TRHDE: variants seen among roughly 807,000 people sequenced by gnomAD.
The protein encoded by TRHDE is thyrotropin-releasing hormone-degrading ectoenzyme.
In TRHDE, 72 loss-of-function variants were observed where a neutral mutation model predicts 125.7. That is an observed-to-expected ratio of 0.57 (90% CI 0.47 to 0.70). The LOEUF (loss-of-function observed/expected upper bound fraction) is 0.70. TRHDE is among the 30% of genes least tolerant of loss of function. TRHDE has a pLI of 0.00. For missense variants in TRHDE, 1,110 were observed against 1,327.1 expected (o/e 0.84, Z 2.54); for synonymous variants, 509 against 509.1 (o/e 1.00, Z 0.00).
intron 2 of TRHDE, among the ~76,000 whole-genome samples, chr12:72,114,186 G>GGTAGACAACCCAGTTAGCCA (rs61086784): frequency 6.6e-6 from 1 of 151,148 alleles, no homozygotes; most frequent in Non-Finnish European, 1.5e-5. Flanking sequence ...AAGCATGCTG[G>GGTAGACAACCCAGTTAGCCA]GTCTTTCAAA....
intron 2 of TRHDE, chr12:72,254,395 C>G (rs1188086240): frequency 1.3e-5 from 2 of 152,096 alleles, no homozygotes; most frequent in Non-Finnish European, 2.9e-5. Flanking sequence ...TCCAACTACT[C>G]CAGGCCTGCA....
At chr12:72,448,883 ACT>A (rs1277076958) in intron 3 of TRHDE, among the ~76,000 whole-genome samples, 2 of 151,884 alleles carry the variant, frequency 1.3e-5, no homozygotes, top group South Asian at 2.1e-4. Context: ...ACTTAAGCTA[ACT>A]CTGCAAAAAT....
chr12:72,643,611 C>T (rs1874157358), intron 15 of TRHDE, among the ~76,000 whole-genome samples: 1 of 152,108 alleles, frequency 6.6e-6, no homozygotes, highest in Non-Finnish European at 1.5e-5. Context: ...TCAGGGTGGT[C>T]TGTCTGTCAT....
At chr12:72,155,779 A>G (rs150633424) in intron 2 of TRHDE, among the ~76,000 whole-genome samples, 4,579 of 152,222 alleles carry the variant, frequency 0.03, 121 homozygotes, top group African/African-American at 0.067. Context: ...GTACCTGGCC[A>G]TGTGAGGTGT....
At position 72,392,883 on chromosome 12, in the gene TRHDE, G is replaced by A. The variant is rs577905636; in HGVS notation, c.1315+14762G>A. Among the ~76,000 whole-genome samples the A allele has an allele frequency of 1.3e-4, 19 of 151,996 alleles. No homozygotes were observed. The South Asian group carries it at 3.9e-3, about 32-fold the overall frequency. On this transcript the variant is annotated intron_variant, in intron 3 of 18. Transcript: ENST00000261180. ...CTAGTACATTTTTTTCCTTTTAAGG[G>A]CATCCATTTGCTTATAAATATGTGC...
chr12:72,408,270 A>C (rs1873349577), intron 3 of TRHDE, among the ~76,000 whole-genome samples: 1 of 152,224 alleles, frequency 6.6e-6, no homozygotes, highest in South Asian at 2.1e-4. Context: ...AGTTTCCAAC[A>C]CATGAACTTT....
intron 2 of TRHDE, among the ~76,000 whole-genome samples, chr12:72,168,549 G>A (rs997827890): frequency 6.6e-6 from 1 of 152,192 alleles, no homozygotes; most frequent in Admixed American, 6.5e-5. Flanking sequence ...GAATTTGGGA[G>A]CTGTTCAGAT....
At chr12:72,187,320 C>T (rs955728434) in intron 2 of TRHDE, among the ~76,000 whole-genome samples, 2 of 135,658 alleles carry the variant, frequency 1.5e-5, no homozygotes, top group Non-Finnish European at 3.2e-5. Flanking sequence ...AACACACACA[C>T]ACACACACAC....
At chr12:72,274,344 G>A (rs1879398720) in intron 1 of TRHDE, among the ~76,000 whole-genome samples, 1 of 152,180 alleles carries the variant, frequency 6.6e-6, no homozygotes, top group Non-Finnish European at 1.5e-5. Flanking sequence ...CCTTGTTAGT[G>A]TCTTTGCCGC....
intron 6 of TRHDE, among the ~76,000 whole-genome samples, chr12:72,528,744 C>A (rs1255179473): frequency 6.6e-6 from 1 of 152,036 alleles, no homozygotes; most frequent in Non-Finnish European, 1.5e-5. Flanking sequence ...CCTCTGCCTC[C>A]CAAAGTGCTG....
intron 2 of TRHDE, among the ~76,000 whole-genome samples, chr12:72,221,725 A>G (rs1878003844): frequency 6.6e-6 from 1 of 152,128 alleles, no homozygotes. Flanking sequence ...AACTGACAAT[A>G]TTTGGGGAAA....
At chr12:72,549,833 AT>A (rs1397794632) in intron 7 of TRHDE, among the ~76,000 whole-genome samples, 2 of 151,848 alleles carry the variant, frequency 1.3e-5, no homozygotes, top group Non-Finnish European at 2.9e-5. Context: ...TCAGAGAGAA[AT>A]AACTTTTATT....
rs1319392441 is a variant in TRHDE at position 72,187,444 on chromosome 12, G to C, written n.279+81692G>C. Among the ~76,000 whole-genome samples, 5 of 150,538 alleles carry C rather than the reference G, an allele frequency of 3.3e-5. 1 individual carries two copies. The highest frequency in any genetic ancestry group is 7.3e-5 in the African/African-American group (3 of 41,198). ...CAGTCTGACTGAGGCCCGAGGTGGG[G>C]GGGGTGGTGGTGGTGGTGGTGGTGG... On this transcript the variant is annotated intron_variant and non_coding_transcript_variant, in intron 2 of 4. Coordinates refer to the TRHDE transcript ENST00000548156.
Position 72,666,112 on chromosome 12 carries a change from G to A in TRHDE, c.*2917G>A, listed in dbSNP as rs972558674. 3 of 152,080 alleles carry A rather than the reference G, an allele frequency of 2.0e-5. No homozygotes were observed. The highest frequency in any genetic ancestry group is 2.9e-5 in the Non-Finnish European group (2 of 68,006). 9.4% of individuals were successfully genotyped at this position (152,080 alleles called of 1,614,324 possible). ...GAGGCTATTATTAAGGTTATGCCAT[G>A]TATTGATAAAATGCATTGCTTTCTC... is the stretch of plus-strand genomic sequence containing the variant. On this transcript the variant is annotated 3_prime_UTR_variant, in exon 19 of 19. Coordinates refer to ENST00000261180, the MANE Select transcript of TRHDE (RefSeq NM_013381.3).
rs141628943 is a variant in TRHDE at position 72,621,146 on chromosome 12, G to A, written c.2508G>A (p.Lys836=). 1.9e-6 allele frequency: 3 copies of A among 1,612,228 alleles called. No homozygotes were observed. Among genetic ancestry groups the A allele is most frequent in the African/African-American group, 2.7e-5 (2 of 74,860 alleles). Residue 836 remains lysine, a synonymous_variant, in exon 14 of 19, where the codon AAG becomes AAA. Coordinates refer to ENST00000261180, the MANE Select transcript of TRHDE (RefSeq NM_013381.3). ...AGCAAGTTGCAACAACATATATCAA[G>A]CTTGGGTGGCCGAAAAATAATTTTA... ...ILKQVATTYI[K]LGWPKNNFNG...
At chr12:72,367,295 C>A (rs1274654227) in intron 2 of TRHDE, among the ~76,000 whole-genome samples, 1 of 152,076 alleles carries the variant, frequency 6.6e-6, no homozygotes, top group Non-Finnish European at 1.5e-5. Context: ...CTCCCTTTGT[C>A]GTTTTCAATC....
chr12:72,473,568 A>C (rs1214539666), intron 5 of TRHDE, among the ~76,000 whole-genome samples: 1 of 152,114 alleles, frequency 6.6e-6, no homozygotes, highest in Non-Finnish European at 1.5e-5. Context: ...AAACACAAAA[A>C]ATACCTAAAA....
At chr12:72,209,946 A>G (rs906945500) in intron 2 of TRHDE, among the ~76,000 whole-genome samples, 10 of 152,192 alleles carry the variant, frequency 6.6e-5, no homozygotes, top group African/African-American at 2.4e-4. Context: ...TCAGAGAAAA[A>G]TGTTCCAGGA....
chr12:72,233,422 A>T (rs1016130079), intron 2 of TRHDE, among the ~76,000 whole-genome samples: 4 of 152,188 alleles, frequency 2.6e-5, no homozygotes, highest in African/African-American at 7.2e-5. Context: ...GAACATTCAG[A>T]GAAGAAGTGA....
Sources: allele counts gnomAD v4.1 joint callset (sites outside exome capture counted in the v4.1 genomes callset), GRCh38; gene constraint gnomAD v4.1.1; transcripts MANE v1.5; gene names NCBI Gene and HGNC (gene_info 2026-07-23, HGNC 2026-07-21).